KDM7A: variants seen among roughly 807,000 people sequenced by gnomAD.
KDM7A encodes lysine-specific demethylase 7A.
KDM7A carries 28 observed loss-of-function variants against 114.8 expected under a neutral mutation model. The observed-to-expected ratio is 0.24, with a 90% CI of 0.18 to 0.33. The LOEUF (loss-of-function observed/expected upper bound fraction) is 0.33, where lower values mean the gene tolerates loss of function less well. Ranked by LOEUF, KDM7A falls within the 10% of genes least tolerant of loss-of-function variation. The pLI, the probability that KDM7A is intolerant of heterozygous loss-of-function variation, is 1.00. For synonymous variants in KDM7A, 423 were observed against 397.8 expected (o/e 1.06, Z -0.75); for missense variants, 942 against 1,142.5 (o/e 0.82, Z 2.53).
intron 14 of KDM7A, among the ~76,000 whole-genome samples, chr7:140,098,137 G>A (rs1464539363): frequency 6.6e-6 from 1 of 152,182 alleles, no homozygotes; most frequent in Non-Finnish European, 1.5e-5. Flanking sequence ...ATTAGCACCT[G>A]GTGTGTGCAA....
At chr7:140,100,679 T>TATATATATATATATATATATACAC (rs1192609907) in intron 12 of KDM7A, among the ~76,000 whole-genome samples, 1 of 63,994 alleles carries the variant, frequency 1.6e-5, no homozygotes, top group Non-Finnish European at 2.9e-5. Flanking sequence ...TATATATATA[T>TATATATATATATATATATATACAC]ACATATATAC....
intron 10 of KDM7A, among the ~76,000 whole-genome samples, 196 bp from the exon 11 acceptor site, chr7:140,111,380 T>TA (rs746864443): frequency 7.9e-5 from 12 of 152,344 alleles, no homozygotes; most frequent in Middle Eastern, 3.4e-3. Context: ...AAAATCCTCT[T>TA]AGACTGTGTT....
In KDM7A at chr7:140,127,456, T is replaced by G; in HGVS notation, c.687A>C (p.Glu229Asp). 1 of 1,613,106 alleles carries G rather than the reference T, an allele frequency of 6.2e-7. No homozygotes were observed. Among genetic ancestry groups the G allele is most frequent in the South Asian group, 1.1e-5 (1 of 90,754 alleles). The change falls in exon 5 of 20, where the codon GAA becomes GAC. Residue 229 changes from glutamate to aspartate, a missense_variant. Glu to Asp is a conservative substitution (Grantham distance 45). Transcript: ENST00000397560. ...RPKVLNVISL[E>D]FSDTKMSELV... is the part of the protein sequence containing the mutation. The stretch of plus-strand genomic sequence containing the variant: ...GAACTACTCACTTTGTATCTGAAAA[T>G]TCAAGGCTGATCACATTTAACACTT...
chr7:140,134,562 T>C (rs1324125442), intron 2 of KDM7A, among the ~76,000 whole-genome samples: 1 of 152,026 alleles, frequency 6.6e-6, no homozygotes, highest in African/African-American at 2.4e-5. Context: ...TTTAAATCTT[T>C]TTTTTTTTTA....
At chr7:140,135,905 GAAA>G (rs61148786) in intron 2 of KDM7A, among the ~76,000 whole-genome samples, 7 of 133,942 alleles carry the variant, frequency 5.2e-5, no homozygotes, top group Middle Eastern at 3.8e-3. Context: ...GTACTTAAAA[GAAA>G]AAAAAAAAAA....
At chr7:140,112,126 G>GTCTT (rs1818443749) in intron 10 of KDM7A, among the ~76,000 whole-genome samples, 1 of 152,144 alleles carries the variant, frequency 6.6e-6, no homozygotes, top group African/African-American at 2.4e-5. Flanking sequence ...AGACAATAAG[G>GTCTT]TCTTTCACAG....
chr7:140,097,866 G>T (rs961034475), intron 14 of KDM7A, among the ~76,000 whole-genome samples: 27 of 152,160 alleles, frequency 1.8e-4, no homozygotes, highest in African/African-American at 6.3e-4. Context: ...ATTAAGTGTG[G>T]TATTTCCATA....
chr7:140,136,360 G>T (rs150575066), intron 2 of KDM7A, among the ~76,000 whole-genome samples: 10 of 152,312 alleles, frequency 6.6e-5, no homozygotes, highest in African/African-American at 2.4e-4. Flanking sequence ...GAGGTTAACA[G>T]AAGGATACAA....
intron 15 of KDM7A, 75 bp from the exon 16 acceptor site, chr7:140,097,122 T>G: frequency 9.5e-7 from 1 of 1,049,234 alleles, no homozygotes; most frequent in Non-Finnish European, 1.4e-6. Context: ...CCGAAAAGAT[T>G]TTATACATCT....
intron 3 of KDM7A, among the ~76,000 whole-genome samples, chr7:140,130,196 T>C (rs557673814): frequency 3.9e-5 from 6 of 152,300 alleles, no homozygotes; most frequent in African/African-American, 1.2e-4. Context: ...GAAGACATCA[T>C]AAAATAATAG....
rs546162465 is a variant in KDM7A, at chr7:140,088,071, T to C, written c.*3023A>G. On this transcript the variant is annotated 3_prime_UTR_variant, in exon 20 of 20. Coordinates refer to ENST00000397560, the MANE Select transcript of KDM7A (RefSeq NM_030647.2). ...AGACTATAATTGAAAAGGCAATAAT[T>C]AGGATTATTTAAAAATAGAAAAGTA... The C allele has an allele frequency of 1.3e-5, 2 of 153,612 alleles. No individual in the cohort carries two copies. The highest frequency in any genetic ancestry group is 4.8e-5 in the African/African-American group (2 of 41,592). The allele number at this position is 153,612 out of a possible 1,614,324, so 9.5% of individuals were successfully genotyped here.
intron 1 of KDM7A, among the ~76,000 whole-genome samples, chr7:140,152,882 A>G (rs768934771): frequency 5.9e-5 from 9 of 151,688 alleles, no homozygotes; most frequent in Non-Finnish European, 1.2e-4. Context: ...TTTTTTTGAG[A>G]CGGGGTCTCG....
At chr7:140,153,006 C>T (rs987385729) in intron 1 of KDM7A, among the ~76,000 whole-genome samples, 8 of 151,702 alleles carry the variant, frequency 5.3e-5, no homozygotes, top group South Asian at 2.1e-4. Context: ...AATACAGGCA[C>T]GCGCCACCAC....
intron 17 of KDM7A, 62 bp from the exon 18 acceptor site, chr7:140,094,200 C>T: frequency 9.8e-7 from 1 of 1,025,010 alleles, no homozygotes; most frequent in Non-Finnish European, 1.6e-6. Context: ...ACAAAATTAG[C>T]CTAATGCTTA....
chr7:140,086,089 T>TA lies in KDM7A; in HGVS notation c.*5004dup, dbSNP rs1442718751. ...TGGTTGGAGACAAGTTTTACCTTTA[T>TA]AATTAAGCTCCATTTATGACTACTT... On this transcript the variant is annotated 3_prime_UTR_variant, in exon 20 of 20. Coordinates refer to ENST00000397560, the MANE Select transcript of KDM7A (RefSeq NM_030647.2). The TA allele has an allele frequency of 1.3e-5, 2 of 152,226 alleles. No individual in the cohort carries two copies. Among genetic ancestry groups the TA allele is most frequent in the Non-Finnish European group, 2.9e-5 (2 of 68,040 alleles). 9.4% of individuals were successfully genotyped at this position (152,226 alleles called of 1,614,324 possible).
intron 9 of KDM7A, among the ~76,000 whole-genome samples, chr7:140,115,857 A>G (rs1253954227): frequency 8.7e-6 from 1 of 114,524 alleles, no homozygotes; most frequent in Non-Finnish European, 1.8e-5. Context: ...CAAGAAAAGT[A>G]AAAAAAAAAA....
intron 1 of KDM7A, among the ~76,000 whole-genome samples, chr7:140,153,120 A>G (rs961858149): frequency 2.0e-5 from 3 of 151,872 alleles, no homozygotes; most frequent in African/African-American, 7.3e-5. Context: ...GGCCTCCCAA[A>G]GTGCTGGCCA....
intron 5 of KDM7A, 139 bp from the exon 6 acceptor site, chr7:140,126,962 ATGTT>A (rs1262656415): frequency 5.9e-6 from 4 of 678,952 alleles, no homozygotes; most frequent in Non-Finnish European, 9.8e-6. Context: ...TTTAAAACAC[ATGTT>A]TGTTTGTTTT....
intron 3 of KDM7A, among the ~76,000 whole-genome samples, chr7:140,133,316 T>C (rs74751111): frequency 3.8e-4 from 58 of 152,312 alleles, no homozygotes; most frequent in Admixed American, 9.1e-4. Context: ...AGTGTGCACA[T>C]AGATGTAACA....
Sources: gnomAD v4.1 joint callset for allele counts (sites outside exome capture counted in the v4.1 genomes callset) on GRCh38, gnomAD v4.1.1 for gene constraint, MANE v1.5 for transcripts, NCBI Gene and HGNC (gene_info 2026-07-23, HGNC 2026-07-21) for gene names.